The following GDPD4 variants were observed in gnomAD, a reference collection of about 807,000 sequenced individuals.
The protein encoded by GDPD4 is glycerophosphodiester phosphodiesterase domain containing 4.
In GDPD4, 60 loss-of-function variants were observed where a neutral mutation model predicts 67.8. The ratio of observed to expected loss-of-function variants is 0.88; its 90% CI spans 0.72 to 1.10. The LOEUF is 1.10. GDPD4 is among the 50% of genes least tolerant of loss of function. The pLI, the probability that GDPD4 is intolerant of heterozygous loss-of-function variation, is 0.00. For missense variants in GDPD4, 623 were observed against 613.9 expected (o/e 1.01, Z -0.16); for synonymous variants, 212 against 210.9 (o/e 1.00, Z -0.04).
chr11:77,286,459 CAGA>C (rs1461460444), intron 2 of GDPD4, among the ~76,000 whole-genome samples: 2 of 152,180 alleles, frequency 1.3e-5, no homozygotes, highest in Non-Finnish European at 2.9e-5. Context: ...ACAGTGGGGA[CAGA>C]AGAACATTCC....
chr11:77,243,600 G>C, intron 13 of GDPD4, 94 bp downstream of exon 13: 1 of 1,093,656 alleles, frequency 9.1e-7, no homozygotes, highest in Non-Finnish European at 1.4e-6. Context: ...CAGAAATTCC[G>C]AGATGGAAAG....
chr11:77,266,779 G>A (rs1959180179), intron 10 of GDPD4, among the ~76,000 whole-genome samples: 1 of 152,146 alleles, frequency 6.6e-6, no homozygotes, highest in African/African-American at 2.4e-5. Flanking sequence ...AAACAGCTTA[G>A]AGAATAAGGT....
At chr11:77,252,696 A>G (rs966561398) in intron 11 of GDPD4, among the ~76,000 whole-genome samples, 1 of 152,128 alleles carries the variant, frequency 6.6e-6, no homozygotes, top group Non-Finnish European at 1.5e-5. Context: ...GTTGGGTCTT[A>G]GTGCACTAGT....
At chr11:77,260,390 G>A (rs147059301) in intron 10 of GDPD4, among the ~76,000 whole-genome samples, 1 of 151,986 alleles carries the variant, frequency 6.6e-6, no homozygotes, top group Non-Finnish European at 1.5e-5. Flanking sequence ...CTAAAAAAGA[G>A]CTTAAAAACA....
chr11:77,288,531 T>C (rs1311416372), intron 1 of GDPD4, among the ~76,000 whole-genome samples: 2 of 152,104 alleles, frequency 1.3e-5, no homozygotes, highest in Non-Finnish European at 1.5e-5. Flanking sequence ...GACAAAATCA[T>C]AGACACCACT....
At position 77,277,599 on chromosome 11, in the gene GDPD4, G is replaced by T. The variant is rs552712140; in HGVS notation, c.148-1379C>A. Among the ~76,000 whole-genome samples the T allele has an allele frequency of 2.6e-4, 39 of 151,396 alleles. 1 individual carries two copies. Among genetic ancestry groups the T allele is most frequent in the Non-Finnish European group, 1.2e-4 (8 of 67,834 alleles). On this transcript the variant is annotated intron_variant, in intron 4 of 16. Coordinates refer to ENST00000315938, the MANE Select transcript of GDPD4 (RefSeq NM_182833.3). ...TTTTTATATTTTTAGTAGAGACGGG[G>T]TTTATCATTTTTTATTGTGTCTATT...
In GDPD4 at chr11:77,229,157, A is replaced by T. The variant is rs754494317; in HGVS notation, c.1465T>A (p.Phe489Ile). Residue 489 changes from phenylalanine (F) to isoleucine (I), a missense_variant, in exon 15 of 17, where the codon TTT (phenylalanine) becomes ATT (isoleucine). Coordinates refer to ENST00000315938, the MANE Select transcript of GDPD4 (RefSeq NM_182833.3). Reference sequence around the variant, plus strand: ...AATTATATATATACTTACCAGTGAAAACAAAATATGGCAACAATAAAAAGC... The same window carrying T: ...AATTATATATATACTTACCAGTGAATACAAAATATGGCAACAATAAAAAGC... ...SVLFIVAIFCFHWRRETEKEK... is the reference protein window; with the variant it reads ...SVLFIVAIFCIHWRRETEKEK... 1.1e-5 allele frequency: 18 copies of T among 1,572,780 alleles called. No individual in the cohort carries two copies. Among genetic ancestry groups the T allele is most frequent in the Non-Finnish European group, 3.5e-6 (4 of 1,147,334 alleles).
intron 1 of GDPD4, among the ~76,000 whole-genome samples, chr11:77,300,949 A>G (rs1348519844): frequency 6.6e-6 from 1 of 152,182 alleles, no homozygotes; most frequent in African/African-American, 2.4e-5. Flanking sequence ...AAAAAGCTCT[A>G]TGGGAGGATG....
intron 11 of GDPD4, among the ~76,000 whole-genome samples, chr11:77,251,717 C>A (rs1194234863): frequency 1.3e-5 from 2 of 152,138 alleles, no homozygotes; most frequent in African/African-American, 4.8e-5. Context: ...CTTTGAGCTT[C>A]TTAGATCTAT....
chr11:77,268,556 C>T lies in GDPD4; in HGVS notation c.625-17G>A. The T allele has an allele frequency of 6.4e-7, 1 of 1,574,118 alleles. No homozygotes were observed. On this transcript the variant is annotated splice_polypyrimidine_tract_variant and intron_variant, in intron 9 of 16. Transcript: ENST00000315938. ...AGGCCCCAACTGTAGAAGAAAAGGA[C>T]ATCAGGCCCTAAGCCTCAGAGTCTC...
At chr11:77,236,126 AC>A (rs2135834850) in intron 13 of GDPD4, among the ~76,000 whole-genome samples, 1 of 152,302 alleles carries the variant, frequency 6.6e-6, no homozygotes, top group African/African-American at 2.4e-5. Context: ...TGTAAACCTA[AC>A]TAGATTAATA....
At chr11:77,251,279 CT>C (rs1958893333) in intron 11 of GDPD4, among the ~76,000 whole-genome samples, 1 of 150,400 alleles carries the variant, frequency 6.6e-6, no homozygotes, top group African/African-American at 2.5e-5. Context: ...ATTTTTTTTT[CT>C]CTCTCTCCTT....
rs751803793 is a variant in GDPD4 at position 77,220,205 on chromosome 11, C to A, written c.1526-2891G>T. On this transcript the variant is annotated intron_variant, in intron 16 of 16. Transcript: ENST00000315938. ...CTAATTGAATACCCTTTATTTCTTT[C>A]TCTTGCCTGATTGCCCTGGCCAGAA... is the stretch of plus-strand genomic sequence containing the variant. Among the ~76,000 whole-genome samples the A allele has an allele frequency of 2.5e-3, 379 of 152,298 alleles. 2 individuals are homozygous for A. Among genetic ancestry groups the A allele is most frequent in the Non-Finnish European group, 3.8e-3 (256 of 68,018 alleles).
intron 16 of GDPD4, among the ~76,000 whole-genome samples, chr11:77,218,798 AT>A (rs1479791836): frequency 2.0e-5 from 3 of 151,520 alleles, no homozygotes; most frequent in Non-Finnish European, 4.4e-5. Context: ...ACTGATGGAC[AT>A]TTGGGTTGGT....
At position 77,228,130 on chromosome 11, in the gene GDPD4, GGAGGCT is replaced by G. The variant is rs374201513; in HGVS notation, c.1473-220_1473-215del. Among the ~76,000 whole-genome samples, 49 of 152,270 alleles carry G rather than the reference GGAGGCT, an allele frequency of 3.2e-4. No homozygotes were observed. In the East Asian group the frequency reaches 9.5e-3, roughly 29 times the overall value. ...TCACACCTGTAATGCCAGCACTTTG[GGAGGCT>G]GAGGCAGGCGGATCACCTGAGGCGG... On this transcript the variant is annotated intron_variant, in intron 15 of 16. Coordinates refer to ENST00000315938, the MANE Select transcript of GDPD4 (RefSeq NM_182833.3).
At chr11:77,248,288 C>T (rs1163979189) in intron 11 of GDPD4, among the ~76,000 whole-genome samples, 2 of 151,300 alleles carry the variant, frequency 1.3e-5, no homozygotes, top group South Asian at 2.1e-4. Flanking sequence ...CTTCAACCTC[C>T]GCCTCCCAGG....
chr11:77,254,252 G>A (rs1480545577), intron 11 of GDPD4, among the ~76,000 whole-genome samples: 1 of 152,138 alleles, frequency 6.6e-6, no homozygotes, highest in African/African-American at 2.4e-5. Flanking sequence ...GTTGCTGGGG[G>A]CTGCTGGGAT....
chr11:77,290,838 C>T (rs1389687190), intron 1 of GDPD4, among the ~76,000 whole-genome samples: 5 of 152,084 alleles, frequency 3.3e-5, no homozygotes, highest in Admixed American at 3.3e-4. Context: ...CATTATCTTA[C>T]CCCTGTTAGA....
chr11:77,270,890 CA>C (rs1239663526), intron 7 of GDPD4: 9 of 459,140 alleles, frequency 2.0e-5, no homozygotes, highest in Admixed American at 8.4e-5. Flanking sequence ...CTTATTTTTC[CA>C]AAAAAAGAAT....
Sources: allele counts gnomAD v4.1 joint callset (sites outside exome capture counted in the v4.1 genomes callset), GRCh38; gene constraint gnomAD v4.1.1; transcripts MANE v1.5; gene names NCBI Gene and HGNC (gene_info 2026-07-23, HGNC 2026-07-21).